The following ADCY9 variants were observed in gnomAD, a reference collection of about 807,000 sequenced individuals.
The protein encoded by ADCY9 is adenylate cyclase type 9.
A neutral mutation model predicts 101.5 loss-of-function variants in ADCY9; 50 were observed. The observed-to-expected ratio is 0.49, with a 90% confidence interval of 0.39 to 0.62. ADCY9 has a LOEUF of 0.62. Ranked by LOEUF, ADCY9 falls within the 20% of genes least tolerant of loss-of-function variation. The pLI is 0.00. For synonymous variants in ADCY9, 905 were observed against 769.3 expected (o/e 1.18, Z -2.92); for missense variants, 1,662 against 1,800.4 (o/e 0.92, Z 1.39).
At chr16:3,995,605 T>TA (rs1567429577) in intron 3 of ADCY9, among the ~76,000 whole-genome samples, 24 of 93,460 alleles carry the variant, frequency 2.6e-4, no homozygotes, top group African/African-American at 9.3e-4. Context: ...AGAAATATAT[T>TA]TTTTTTTTTT....
At chr16:4,081,441 T>C (rs1451425768) in intron 2 of ADCY9, among the ~76,000 whole-genome samples, 1 of 152,242 alleles carries the variant, frequency 6.6e-6, no homozygotes, top group Admixed American at 6.5e-5. Context: ...GCTCCAGATG[T>C]AAGTTTAAGA....
chr16:4,106,847 T>C (rs2057080579), intron 2 of ADCY9, among the ~76,000 whole-genome samples: 1 of 152,314 alleles, frequency 6.6e-6, no homozygotes, highest in South Asian at 2.1e-4. Context: ...AGAAACATAA[T>C]TACTATCTCA....
rs918239868 is a variant in ADCY9 at position 3,992,810 on chromosome 16, G to C, written c.1990-447C>G. Among the ~76,000 whole-genome samples the C allele has an allele frequency of 2.0e-5, 3 of 152,150 alleles. No homozygotes were observed. The highest frequency in any genetic ancestry group is 4.8e-5 in the African/African-American group (2 of 41,440). Reference sequence around the variant, plus strand: ...AGGTGGATGGAAACGGGCTCGTGTCGTGGGTGTCCCCCGTGGCTGTGGGAA... The same window carrying C: ...AGGTGGATGGAAACGGGCTCGTGTCCTGGGTGTCCCCCGTGGCTGTGGGAA... On this transcript the variant is annotated intron_variant, in intron 4 of 10. Transcript: ENST00000294016. The surrounding 1 kb of genome is among the most constrained non-coding windows in gnomAD (Gnocchi z 4.2).
At chr16:3,957,215 G>A (rs1185046724) in intron 5 of ADCY9, among the ~76,000 whole-genome samples, 1 of 152,162 alleles carries the variant, frequency 6.6e-6, no homozygotes, top group Non-Finnish European at 1.5e-5. Context: ...GGCCAATGAT[G>A]CCCAGTTAGA....
chr16:3,983,572 G>T, intron 6 of ADCY9, 132 bp from the exon 7 acceptor site: 1 of 748,112 alleles, frequency 1.3e-6, no homozygotes. Flanking sequence ...GAAGGCTCTC[G>T]GAGGGCTGTC....
At chr16:4,007,637 GAGGACTCACTCCTGGAAAGTTGA>G in intron 2 of ADCY9, 79 bp from the exon 3 acceptor site, 1 of 1,229,920 alleles carries the variant, frequency 8.1e-7, no homozygotes, top group Non-Finnish European at 1.1e-6. Flanking sequence ...GCTCTCTGGA[GAGGACTCACTCCTGGAAAGTTGA>G]GAGTAAAGTG....
intron 2 of ADCY9, among the ~76,000 whole-genome samples, chr16:4,094,118 T>C (rs2056989044): frequency 6.6e-6 from 1 of 152,198 alleles, no homozygotes; most frequent in African/African-American, 2.4e-5. Context: ...ATTATGTTAA[T>C]CCAGCTGAGA....
chr16:4,100,441 T>C (rs1257405035), intron 2 of ADCY9, among the ~76,000 whole-genome samples: 3 of 152,044 alleles, frequency 2.0e-5, no homozygotes, highest in Non-Finnish European at 4.4e-5. Flanking sequence ...GCGATTCTCC[T>C]GCCTCAGCCT....
chr16:3,991,590 A>G lies in ADCY9; in HGVS notation c.2207+556T>C, dbSNP rs558828177. 1.4e-4 allele frequency among the ~76,000 whole-genome samples: 22 copies of G among 152,008 alleles called. No individual in the cohort carries two copies. The South Asian group carries it at 4.4e-3, about 30-fold the overall frequency. ...CGCCTGGCCAACATGTTAAAAACCC[A>G]TCTCTACTAAAAACACAAAAATTAG... is the stretch of plus-strand genomic sequence containing the variant. On this transcript the variant is annotated intron_variant, in intron 5 of 10. Coordinates refer to ENST00000294016, the MANE Select transcript of ADCY9 (RefSeq NM_001116.4).
rs1206625135 is a variant in ADCY9, at chr16:3,992,125, C to G, written c.2207+21G>C. The G allele has an allele frequency of 1.2e-6, 2 of 1,609,930 alleles. No homozygotes were observed. The highest frequency in any genetic ancestry group is 1.7e-5 in the Admixed American group (1 of 59,640). ...CTTCTGCCTGCAACCTTTGCTTTTT[C>G]CCAGACAGCCCCAGTCGTACCTGTC... On this transcript the variant is annotated intron_variant, in intron 5 of 10. Transcript: ENST00000294016. This position sits in a 1 kb window ranked among gnomAD's most constrained non-coding sequence, Gnocchi z 4.2.
intron 3 of ADCY9, among the ~76,000 whole-genome samples, chr16:3,993,957 T>C (rs946848425): frequency 6.6e-6 from 1 of 152,090 alleles, no homozygotes; most frequent in African/African-American, 2.4e-5. Context: ...AGAAGGCAGA[T>C]TCCTGGCTGC....
chr16:3,960,975 T>C (rs2055934381), downstream of ADCY9, among the ~76,000 whole-genome samples: 1 of 150,814 alleles, frequency 6.6e-6, no homozygotes, highest in African/African-American at 2.4e-5. Context: ...CGGGATCTAT[T>C]CCAGGTGGCC....
At chr16:3,988,887 C>G in intron 6 of ADCY9, 107 bp downstream of exon 6, 1 of 834,140 alleles carries the variant, frequency 1.2e-6, no homozygotes, top group African/African-American at 1.7e-5. Context: ...AATCAATGTT[C>G]GCCTTCGTGT....
In ADCY9 at chr16:4,114,854, G is replaced by C. The variant is rs374051508; in HGVS notation, c.589C>G (p.Pro197Ala). ...GAGCTGTCGCCGCGTCCTGAGACAGGCGTCAAGACCTGGAACTGCGCAGCC... is the reference window on the plus strand; with the variant it reads ...GAGCTGTCGCCGCGTCCTGAGACAGCCGTCAAGACCTGGAACTGCGCAGCC... ...TLAAQFQVLT[P>A]VSGRGDSSNL... is the part of the protein sequence containing the mutation. The change falls in exon 2 of 11, where the codon CCT (proline) becomes GCT (alanine). Residue 197 changes from proline (P) to alanine (A), a missense_variant. Around this residue, in one of 5 missense-constraint regions of ADCY9, gnomAD observed 422 missense variants for 392.0 expected, o/e 1.08. Transcript: ENST00000294016. This position sits in a 1 kb window ranked among gnomAD's most constrained non-coding sequence, Gnocchi z 4.3. 2.9e-5 allele frequency: 46 copies of C among 1,613,530 alleles called. No individual in the cohort carries two copies. The highest frequency in any genetic ancestry group is 1.9e-4 in the African/African-American group (14 of 74,954).
rs113065696 is a variant in ADCY9 at position 4,024,352 on chromosome 16, G to T, written c.1694-16794C>A. 3.4e-3 allele frequency among the ~76,000 whole-genome samples: 523 copies of T among 152,116 alleles called. 6 individuals are homozygous for T. The highest frequency in any genetic ancestry group is 0.012 in the African/African-American group (502 of 41,516). On this transcript the variant is annotated intron_variant, in intron 2 of 10. Transcript: ENST00000294016. ...TTAAAACTTTTTAATTCAAACTAAT[G>T]TTAATCATATAGGAAAGTTACATAT... is the stretch of plus-strand genomic sequence containing the variant.
At chr16:4,019,054 C>A (rs550147760) in intron 2 of ADCY9, among the ~76,000 whole-genome samples, 1 of 151,408 alleles carries the variant, frequency 6.6e-6, no homozygotes, top group Non-Finnish European at 1.5e-5. Context: ...CGGCTCACTG[C>A]AGCCTCGACG....
intron 2 of ADCY9, among the ~76,000 whole-genome samples, chr16:4,101,739 G>C (rs1049564252): frequency 5.3e-5 from 8 of 151,894 alleles, no homozygotes; most frequent in African/African-American, 1.9e-4. Flanking sequence ...GTAGGATACA[G>C]TACAGTTGAA....
At position 3,965,872 on chromosome 16, in the gene ADCY9, C is replaced by A. The variant is rs774279006; in HGVS notation, c.3965G>T (p.Gly1322Val). The change falls in exon 11 of 11, where the codon GGT becomes GTT. Residue 1322 changes from glycine (G) to valine (V), a missense_variant. This residue lies in a region of ADCY9 where 168 missense variants were observed against 155.3 expected (regional missense o/e 1.08). Transcript: ENST00000294016. ...WKEPVKAEER[G>V]RFGKAIEKDD... Reference sequence around the variant, plus strand: ...TTTCTCTATGGCTTTGCCAAATCGACCCCTTTCTTCGGCTTTGACGGGCTC... The same window carrying A: ...TTTCTCTATGGCTTTGCCAAATCGAACCCTTTCTTCGGCTTTGACGGGCTC... The A allele has an allele frequency of 6.2e-7, 1 of 1,614,198 alleles. No homozygotes were observed. Among genetic ancestry groups the A allele is most frequent in the South Asian group, 1.1e-5 (1 of 91,088 alleles).
At chr16:3,969,569 A>AATATATATATATATATATATATATATAT (rs57260468) in intron 10 of ADCY9, among the ~76,000 whole-genome samples, 1 of 45,228 alleles carries the variant, frequency 2.2e-5, no homozygotes, top group Non-Finnish European at 4.4e-5. Context: ...GTTTGTTTGA[A>AATATATATATATATATATATATATATAT]ATATATATAT....
Sources: gnomAD v4.1 joint callset for allele counts (sites outside exome capture counted in the v4.1 genomes callset) on GRCh38, gnomAD v4.1.1 for gene constraint, gnomAD v4.1.1 regional missense constraint, Gnocchi (gnomAD v3.1) non-coding constraint, MANE v1.5 for transcripts, NCBI Gene and HGNC (gene_info 2026-07-23, HGNC 2026-07-21) for gene names.